The following VEPH1 variants were observed in gnomAD, a reference collection of about 807,000 sequenced individuals.
VEPH1 encodes the protein ventricular zone expressed PH domain containing 1.
A neutral mutation model predicts 85.2 loss-of-function variants in VEPH1; 80 were observed. The observed-to-expected ratio is 0.94, with a 90% CI of 0.78 to 1.13. VEPH1 has a LOEUF of 1.13. Ranked by LOEUF, VEPH1 falls within the 50% of genes most tolerant of loss-of-function variation. The probability of loss-of-function intolerance (pLI) is 0.00; values close to 1 mark genes in which losing one functional copy is unlikely to be tolerated. For missense variants in VEPH1, 955 were observed against 980.5 expected (o/e 0.97, Z 0.35); for synonymous variants, 297 against 348.0 (o/e 0.85, Z 1.63).
chr3:157,320,908 G>A (rs10936079), intron 9 of VEPH1, among the ~76,000 whole-genome samples: 3 of 151,768 alleles, frequency 2.0e-5, no homozygotes, highest in Admixed American at 1.3e-4. Flanking sequence ...TTTATATGCC[G>A]TTATTCCTGC....
At chr3:157,288,523 C>T (rs1461202871) in intron 11 of VEPH1, among the ~76,000 whole-genome samples, 1 of 152,024 alleles carries the variant, frequency 6.6e-6, no homozygotes, top group African/African-American at 2.4e-5. Context: ...CATAATACCC[C>T]CAGAGTCCAG....
At position 157,381,216 on chromosome 3, in the gene VEPH1, A is replaced by G; in HGVS notation, c.1067T>C (p.Phe356Ser). The G allele has an allele frequency of 6.2e-7, 1 of 1,614,024 alleles. No homozygotes were observed. The highest frequency in any genetic ancestry group is 8.5e-7 in the Non-Finnish European group (1 of 1,179,980). Residue 356 changes from phenylalanine to serine, a missense_variant, in exon 7 of 14, where the codon TTC (phenylalanine) becomes TCC (serine). Physicochemically the swap from Phe to Ser is radical, Grantham distance 155 (BLOSUM62 -2). Coordinates refer to ENST00000362010, the MANE Select transcript of VEPH1 (RefSeq NM_001167912.2). ...GGTAAGGAGTTTAGCAATGGCGGTG[A>G]AGCTGTTGCTCATGCGGAAGATGTC... The part of the protein sequence containing the change: ...SRDIFRMSNS[F>S]TAIAKLLTRQ...
intron 9 of VEPH1, among the ~76,000 whole-genome samples, chr3:157,334,519 A>ATTTCATT (rs1345670467): frequency 1.3e-5 from 2 of 152,256 alleles, no homozygotes; most frequent in East Asian, 3.9e-4. Flanking sequence ...AGGAAGGTTG[A>ATTTCATT]TTTCATTTGT....
chr3:157,304,896 C>A (rs1719285891), intron 11 of VEPH1, among the ~76,000 whole-genome samples: 1 of 151,624 alleles, frequency 6.6e-6, no homozygotes, highest in Non-Finnish European at 1.5e-5. Context: ...AATTTTGTAC[C>A]CTGAAATATG....
At position 157,304,019 on chromosome 3, in the gene VEPH1, T is replaced by TATATATATATATATATATATATATATA. The variant is rs71872669; in HGVS notation, c.2010+9601_2010+9602insTATATATATATATATATATATATATAT. 8.4e-4 allele frequency among the ~76,000 whole-genome samples: 44 copies of TATATATATATATATATATATATATATA among 52,256 alleles called. 2 individuals carry two copies. Among genetic ancestry groups the TATATATATATATATATATATATATATA allele is most frequent in the South Asian group, 5.8e-3 (9 of 1,556 alleles). 34.3% of individuals were successfully genotyped at this position (52,256 alleles called of 152,430 possible). A position where few individuals can be genotyped will look rare whatever the true frequency, so the allele number is the denominator to read the frequency against. ...GTAGACTTAAATTTCTCATCTTATA[T>TATATATATATATATATATATATATATA]TTTTTATATATATATATATACACAC... On this transcript the variant is annotated intron_variant, in intron 11 of 13. Coordinates refer to ENST00000362010, the MANE Select transcript of VEPH1 (RefSeq NM_001167912.2).
chr3:157,465,291 G>A (rs947142381), intron 3 of VEPH1, among the ~76,000 whole-genome samples: 2 of 152,176 alleles, frequency 1.3e-5, no homozygotes, highest in Non-Finnish European at 2.9e-5. Flanking sequence ...GGAAAGGAGA[G>A]ACAGGATATT....
At chr3:157,449,835 C>T (rs1002524797) in intron 4 of VEPH1, among the ~76,000 whole-genome samples, 6 of 151,890 alleles carry the variant, frequency 4.0e-5, no homozygotes, top group South Asian at 2.1e-4. Flanking sequence ...TATTTAATTG[C>T]TTTCAATACA....
intron 9 of VEPH1, among the ~76,000 whole-genome samples, chr3:157,333,949 T>G (rs187595383): frequency 6.6e-6 from 1 of 152,290 alleles, no homozygotes; most frequent in East Asian, 1.9e-4. Context: ...AACTAAGACC[T>G]TCTGGGCTGG....
chr3:157,363,146 C>T, intron 9 of VEPH1: 1 of 396,904 alleles, frequency 2.5e-6, no homozygotes, highest in South Asian at 6.3e-5. Context: ...AGTCAGTGGA[C>T]TTATGTGCAC....
chr3:157,313,829 G>T, intron 10 of VEPH1, 74 bp from the exon 11 acceptor site: 1 of 1,555,090 alleles, frequency 6.4e-7, no homozygotes, highest in African/African-American at 1.4e-5. Flanking sequence ...TGATTTCAAG[G>T]CACTGTTTAG....
intron 12 of VEPH1, among the ~76,000 whole-genome samples, chr3:157,274,785 C>T (rs539692631): frequency 6.6e-6 from 1 of 152,284 alleles, no homozygotes; most frequent in Admixed American, 6.5e-5. Context: ...TAAGCATGAG[C>T]CACTGCACCT....
At chr3:157,399,954 T>G (rs1172815021) in intron 6 of VEPH1, among the ~76,000 whole-genome samples, 1 of 152,172 alleles carries the variant, frequency 6.6e-6, no homozygotes. Flanking sequence ...ATTTTTTGAT[T>G]GTGTCTCAAT....
intron 12 of VEPH1, among the ~76,000 whole-genome samples, chr3:157,269,643 T>TTTTTTTTTTTTTTTTTTTG: frequency 5.6e-5 from 1 of 17,872 alleles, no homozygotes; most frequent in African/African-American, 2.6e-4. Context: ...GTTTTTGTTG[T>TTTTTTTTTTTTTTTTTTTG]TTTTTTTTTT....
intron 7 of VEPH1, among the ~76,000 whole-genome samples, chr3:157,370,129 G>T (rs993761459): frequency 6.6e-6 from 1 of 152,170 alleles, no homozygotes; most frequent in Non-Finnish European, 1.5e-5. Flanking sequence ...TGTTGCCAAA[G>T]CAAAGTTTTT....
intron 4 of VEPH1, chr3:157,442,290 A>G (rs1734184714): frequency 4.6e-6 from 6 of 1,292,786 alleles, no homozygotes; most frequent in Non-Finnish European, 6.3e-6. Context: ...TTCTTATGTT[A>G]AATAACTAAT....
At chr3:157,390,399 C>G (rs1479990686) in intron 6 of VEPH1, among the ~76,000 whole-genome samples, 1 of 152,108 alleles carries the variant, frequency 6.6e-6, no homozygotes, top group Non-Finnish European at 1.5e-5. Flanking sequence ...CAAATGGATC[C>G]TGATGTGCTT....
intron 2 of VEPH1, among the ~76,000 whole-genome samples, chr3:157,481,774 T>A (rs1738120060): frequency 6.6e-6 from 1 of 152,224 alleles, no homozygotes; most frequent in Non-Finnish European, 1.5e-5. Context: ...CTTGAGTTAA[T>A]CTTTGTATAT....
At chr3:157,292,538 A>G (rs1051157878) in intron 11 of VEPH1, among the ~76,000 whole-genome samples, 1 of 151,982 alleles carries the variant, frequency 6.6e-6, no homozygotes. Flanking sequence ...CTAAAAATAC[A>G]AAAATTAGCT....
intron 12 of VEPH1, chr3:157,286,287 A>ATGAAT: frequency 2.6e-6 from 1 of 387,020 alleles, no homozygotes; most frequent in Non-Finnish European, 4.8e-6. Flanking sequence ...TCTGGATGAA[A>ATGAAT]TGAATACTTT....
Sources: allele counts gnomAD v4.1 joint callset (sites outside exome capture counted in the v4.1 genomes callset), GRCh38; gene constraint gnomAD v4.1.1; transcripts MANE v1.5; gene names NCBI Gene and HGNC (gene_info 2026-07-23, HGNC 2026-07-21).